Variants in STOX2 observed in about 807,000 individuals in gnomAD.
STOX2 encodes the protein storkhead box 2.
STOX2 carries 28 observed loss-of-function variants against 60.9 expected under a neutral mutation model. The observed-to-expected ratio is 0.46, with a 90% CI of 0.34 to 0.63. The LOEUF is 0.63. Ranked by LOEUF, STOX2 falls within the 30% of genes least tolerant of loss-of-function variation. The pLI is 0.01. For missense variants in STOX2, 1,024 were observed against 1,187.7 expected (o/e 0.86, Z 2.03); for synonymous variants, 472 against 463.9 (o/e 1.02, Z -0.22).
intron 1 of STOX2, among the ~76,000 whole-genome samples, chr4:183,888,618 C>G (rs1741137533): frequency 6.6e-6 from 1 of 152,348 alleles, no homozygotes; most frequent in African/African-American, 2.4e-5. Context: ...TGGATTAATT[C>G]TCTTGCCTGC....
At chr4:183,940,654 G>C (rs1252211665) in intron 1 of STOX2, among the ~76,000 whole-genome samples, 1 of 152,216 alleles carries the variant, frequency 6.6e-6, no homozygotes, top group Non-Finnish European at 1.5e-5. Flanking sequence ...ATCACTTGAT[G>C]TTTGACAGAG....
Position 183,806,941 on chromosome 4 carries a change from T to C in STOX2, c.364+8886T>C, listed in dbSNP as rs1738904702. Among the ~76,000 whole-genome samples, 1 of 151,512 alleles carries C rather than the reference T, an allele frequency of 6.6e-6. No individual in the cohort carries two copies. The highest frequency in any genetic ancestry group is 2.1e-4 in the South Asian group (1 of 4,772). ...GAAGCCCCCATGCCTGGAGGGGGCC[T>C]TTGTGAGTCCCAGATGCTTTCTGAC... On this transcript the variant is annotated intron_variant, in intron 1 of 2. Coordinates refer to the STOX2 transcript ENST00000513034. The surrounding 1 kb of genome is among the most constrained non-coding windows in gnomAD (Gnocchi z 4.1).
intron 1 of STOX2, among the ~76,000 whole-genome samples, chr4:183,839,400 G>A (rs573773193): frequency 1.3e-5 from 2 of 152,088 alleles, no homozygotes; most frequent in Non-Finnish European, 2.9e-5. Context: ...TGACTTTAAC[G>A]TTCTCCTGCA....
intron 1 of STOX2, among the ~76,000 whole-genome samples, chr4:183,828,804 G>A (rs1301944249): frequency 6.6e-6 from 1 of 152,176 alleles, no homozygotes; most frequent in Non-Finnish European, 1.5e-5. Flanking sequence ...AATTCAAAGT[G>A]GAGTATTGTG....
intron 1 of STOX2, among the ~76,000 whole-genome samples, chr4:183,978,484 A>G (rs536311104): frequency 2.0e-5 from 3 of 152,340 alleles, no homozygotes; most frequent in Middle Eastern, 3.4e-3. Flanking sequence ...TACTAGTACC[A>G]TACTATTTTG....
chr4:183,811,478 C>T (rs1363525859), intron 1 of STOX2, among the ~76,000 whole-genome samples: 1 of 152,160 alleles, frequency 6.6e-6, no homozygotes, highest in African/African-American at 2.4e-5. Context: ...CTTTGGGTGA[C>T]AAGTTTTGGT....
rs745855567 is a variant in STOX2 at position 184,017,334 on chromosome 4, C to A, written c.*50C>A. 1 of 1,463,262 alleles carries A rather than the reference C, an allele frequency of 6.8e-7. No individual in the cohort carries two copies. The allele number at this position is 1,463,262 out of a possible 1,614,324, so 90.6% of individuals were successfully genotyped here. On this transcript the variant is annotated 3_prime_UTR_variant, in exon 4 of 4. Coordinates refer to ENST00000308497, the MANE Select transcript of STOX2 (RefSeq NM_020225.3). ...GTCTCATTCGATACAGCAAAGTTTA[C>A]GACACTGGGACTGATGTTTACATCT...
upstream of STOX2, among the ~76,000 whole-genome samples, chr4:183,903,957 C>T (rs945829100): frequency 6.6e-6 from 1 of 152,144 alleles, no homozygotes. Context: ...AATAAATATA[C>T]ACTCACCATA....
intron 1 of STOX2, among the ~76,000 whole-genome samples, chr4:183,860,409 T>TAAAAC (rs1361927180): frequency 5.0e-5 from 3 of 59,644 alleles, no homozygotes; most frequent in East Asian, 7.6e-4. Context: ...CCAGCTGGCT[T>TAAAAC]AAAACAAAAC....
chr4:183,872,031 T>G (rs1740705019), intron 1 of STOX2, among the ~76,000 whole-genome samples: 1 of 152,138 alleles, frequency 6.6e-6, no homozygotes, highest in Non-Finnish European at 1.5e-5. Flanking sequence ...AACTATAAGT[T>G]GTGCCAAGAC....
intron 1 of STOX2, among the ~76,000 whole-genome samples, chr4:183,854,907 T>G (rs1054174386): frequency 6.6e-6 from 1 of 152,222 alleles, no homozygotes; most frequent in African/African-American, 2.4e-5. Context: ...AATTCTTAGC[T>G]AGTTTGGCAA....
intron 1 of STOX2, among the ~76,000 whole-genome samples, chr4:183,815,010 T>A (rs1464811374): frequency 2.0e-5 from 3 of 152,112 alleles, no homozygotes; most frequent in African/African-American, 7.2e-5. Flanking sequence ...TTTATTTTAT[T>A]TTTTTTCAAG....
In STOX2 at chr4:184,017,476, T is replaced by C. The variant is rs1734425811; in HGVS notation, c.*192T>C. On this transcript the variant is annotated 3_prime_UTR_variant, in exon 4 of 4. Transcript: ENST00000308497. The stretch of plus-strand genomic sequence containing the variant: ...TTCAGAGTATTGCTTTTCACATTTA[T>C]GGCTCTGTAGCAACTGAGTAACAGT... 5.5e-6 allele frequency: 3 copies of C among 546,186 alleles called. No homozygotes were observed. The highest frequency in any genetic ancestry group is 3.5e-5 in the Admixed American group (1 of 28,288). 33.8% of individuals were successfully genotyped at this position (546,186 alleles called of 1,614,324 possible). A position where few individuals can be genotyped will look rare whatever the true frequency, so the allele number is the denominator to read the frequency against.
intron 1 of STOX2, among the ~76,000 whole-genome samples, chr4:183,948,787 C>T (rs2111140984): frequency 6.6e-6 from 1 of 152,186 alleles, no homozygotes; most frequent in Non-Finnish European, 1.5e-5. Flanking sequence ...CCGCCTCAGC[C>T]TCCCAAAGTG....
chr4:184,022,289 A>G lies in STOX2; in HGVS notation c.*5005A>G, dbSNP rs1162240495. 6.6e-6 allele frequency: 1 copy of G among 152,158 alleles called. No individual in the cohort carries two copies. The highest frequency in any genetic ancestry group is 1.5e-5 in the Non-Finnish European group (1 of 68,028). The allele number at this position is 152,158 out of a possible 1,614,324, so 9.4% of individuals were successfully genotyped here. Reference sequence around the variant, plus strand: ...TATTACATTTCCTTGTGTGTTTCAAACAGACATTGGCACCTTCCTATTGAG... The same window carrying G: ...TATTACATTTCCTTGTGTGTTTCAAGCAGACATTGGCACCTTCCTATTGAG... On this transcript the variant is annotated 3_prime_UTR_variant, in exon 4 of 4. Coordinates refer to ENST00000308497, the MANE Select transcript of STOX2 (RefSeq NM_020225.3).
chr4:183,951,511 C>T (rs1167536877), intron 1 of STOX2, among the ~76,000 whole-genome samples: 2 of 131,528 alleles, frequency 1.5e-5, no homozygotes, highest in Non-Finnish European at 3.1e-5. Context: ...AGTGCAGTGG[C>T]GCGATCTCAG....
chr4:183,932,049 G>A (rs1742440309), intron 1 of STOX2, among the ~76,000 whole-genome samples: 1 of 152,100 alleles, frequency 6.6e-6, no homozygotes, highest in African/African-American at 2.4e-5. Context: ...GCTGAGTGGT[G>A]GGCAGAGCTG....
intron 1 of STOX2, among the ~76,000 whole-genome samples, chr4:183,885,849 C>T (rs1171205587): frequency 5.9e-5 from 9 of 152,196 alleles, no homozygotes; most frequent in East Asian, 1.9e-4. Context: ...ACAATGTTTG[C>T]GTGGAAAAAT....
In STOX2 at chr4:184,018,566, A is replaced by C. The variant is rs1246668090; in HGVS notation, c.*1282A>C. On this transcript the variant is annotated 3_prime_UTR_variant, in exon 4 of 4. Transcript: ENST00000308497. The stretch of plus-strand genomic sequence containing the variant: ...CAGAATAACAATTATGCATACATGA[A>C]CTATGCCAGAGTAATGTTTACAGAT... The C allele has an allele frequency of 1.3e-5, 2 of 152,262 alleles. No homozygotes were observed. The highest frequency in any genetic ancestry group is 2.9e-5 in the Non-Finnish European group (2 of 68,050). The allele number at this position is 152,262 out of a possible 1,614,324, so 9.4% of individuals were successfully genotyped here.
Sources: allele counts gnomAD v4.1 joint callset (sites outside exome capture counted in the v4.1 genomes callset), GRCh38; gene constraint gnomAD v4.1.1; non-coding constraint Gnocchi (gnomAD v3.1); transcripts MANE v1.5; gene names NCBI Gene and HGNC (gene_info 2026-07-23, HGNC 2026-07-21).